RTRAF: variants seen among roughly 807,000 people sequenced by gnomAD.
RTRAF encodes tRNA-splicing ligase complex subunit RTRAF.
Under a neutral mutation model 34.4 loss-of-function variants are expected in RTRAF, and 14 were observed. The observed-to-expected ratio is 0.41, with a 90% CI of 0.27 to 0.64. The LOEUF is 0.64. Among genes scored for constraint, RTRAF ranks in the 30% least tolerant of loss-of-function variants. The pLI is 0.34. For synonymous variants in RTRAF, 96 were observed against 95.3 expected (o/e 1.01, Z -0.04); for missense variants, 291 against 288.4 (o/e 1.01, Z -0.06).
chr14:52,004,543 T>TACTTAGTAC lies in RTRAF; in HGVS notation c.*29_*37dup. On this transcript the variant is annotated 3_prime_UTR_variant, in exon 8 of 8. Transcript: ENST00000261700. ...CACTTGAGGACTTCAGCTTCTCACCTACTTAGTACAGTTGGGAACCATACA... is the reference window on the plus strand; with the variant it reads ...CACTTGAGGACTTCAGCTTCTCACCTACTTAGTACACTTAGTACAGTTGGGAACCATACA... 1.3e-6 allele frequency: 2 copies of TACTTAGTAC among 1,593,656 alleles called. No homozygotes were observed. The highest frequency in any genetic ancestry group is 1.7e-6 in the Non-Finnish European group (2 of 1,169,848).
rs537951794 is a variant in RTRAF, at chr14:51,991,180, A to C, written c.62-137A>C. ...TTCAACTCCAGAATCTGTACTTTCA[A>C]CTCCCTCTTTTGGTTCAATTAATTT... is the stretch of plus-strand genomic sequence containing the variant. On this transcript the variant is annotated intron_variant, in intron 1 of 7. Transcript: ENST00000261700. The C allele has an allele frequency of 1.1e-3, 951 of 845,690 alleles. 12 individuals are homozygous for C. Among genetic ancestry groups the C allele is most frequent in the South Asian group, 7.9e-3 (452 of 57,158 alleles). The allele number at this position is 845,690 out of a possible 1,614,324, so 52.4% of individuals were successfully genotyped here.
chr14:52,007,833 T>C lies in RTRAF; in HGVS notation c.*3317T>C. On this transcript the variant is annotated 3_prime_UTR_variant, in exon 8 of 8. Coordinates refer to ENST00000261700, the MANE Select transcript of RTRAF (RefSeq NM_016039.3). ...ACCTGCATCTGCCCAGCAGAGCAGT[T>C]TAGAGAAAGGGTCAAAGGTTAAGCC... 1.9e-6 allele frequency: 3 copies of C among 1,614,006 alleles called. No homozygotes were observed. The highest frequency in any genetic ancestry group is 2.5e-6 in the Non-Finnish European group (3 of 1,179,964).
rs1890918225 is a variant in RTRAF, at chr14:52,009,306, A to G, written c.*4790A>G. The G allele has an allele frequency of 6.6e-6, 1 of 152,238 alleles. No homozygotes were observed. Among genetic ancestry groups the G allele is most frequent in the East Asian group, 1.9e-4 (1 of 5,202 alleles). 9.4% of individuals were successfully genotyped at this position (152,238 alleles called of 1,614,324 possible). ...CCCAAAATGATTTAATATCATCAAC[A>G]ACAATAAGTCTGAAACAAGCTCACA... is the stretch of plus-strand genomic sequence containing the variant. On this transcript the variant is annotated 3_prime_UTR_variant, in exon 8 of 8. Coordinates refer to ENST00000261700, the MANE Select transcript of RTRAF (RefSeq NM_016039.3).
rs1245223245 is a variant in RTRAF at position 52,001,787 on chromosome 14, G to T, written c.463-11G>T. 3 of 1,608,904 alleles carry T rather than the reference G, an allele frequency of 1.9e-6. No individual in the cohort carries two copies. Among genetic ancestry groups the T allele is most frequent in the Non-Finnish European group, 2.5e-6 (3 of 1,177,574 alleles). ...GCCTATAAAAAGTAAAAATATTTTT[G>T]GGTTTCTTAGGCAATTCGGATTTTG... On this transcript the variant is annotated splice_polypyrimidine_tract_variant and intron_variant, in intron 5 of 7. Transcript: ENST00000261700.
In RTRAF at chr14:52,007,880, A is replaced by G. The variant is rs775478469; in HGVS notation, c.*3364A>G. The G allele has an allele frequency of 1.3e-5, 21 of 1,613,892 alleles. No individual in the cohort carries two copies. In the South Asian group the frequency reaches 2.2e-4, roughly 17 times the overall value. On this transcript the variant is annotated 3_prime_UTR_variant, in exon 8 of 8. Coordinates refer to ENST00000261700, the MANE Select transcript of RTRAF (RefSeq NM_016039.3). ...AGCCATTGGGCAATCCAATGTCTGT[A>G]TTGATCAGAATTCTTCTGTTTTCTC... is the stretch of plus-strand genomic sequence containing the variant.
At chr14:51,996,833 C>T (rs910900326) in intron 3 of RTRAF, among the ~76,000 whole-genome samples, 3 of 152,038 alleles carry the variant, frequency 2.0e-5, no homozygotes, top group Non-Finnish European at 2.9e-5. Flanking sequence ...CCAGAGCAAT[C>T]CTGGATTATG....
chr14:52,006,035 C>A lies in RTRAF; in HGVS notation c.*1519C>A. Reference sequence around the variant, plus strand: ...TAAATCCATTGCTCATCTCTAGCTGCATGTTAGAATCACATGATGAGCTAT... The same window carrying A: ...TAAATCCATTGCTCATCTCTAGCTGAATGTTAGAATCACATGATGAGCTAT... On this transcript the variant is annotated 3_prime_UTR_variant, in exon 8 of 8. Transcript: ENST00000261700. 1.7e-6 allele frequency: 1 copy of A among 576,380 alleles called. No homozygotes were observed. Among genetic ancestry groups the A allele is most frequent in the Non-Finnish European group, 3.1e-6 (1 of 318,092 alleles). 35.7% of individuals were successfully genotyped at this position (576,380 alleles called of 1,614,324 possible). A position where few individuals can be genotyped will look rare whatever the true frequency, so the allele number is the denominator to read the frequency against.
chr14:51,989,910 A>G (rs1001710832), intron 1 of RTRAF, among the ~76,000 whole-genome samples: 2 of 152,178 alleles, frequency 1.3e-5, no homozygotes, highest in South Asian at 2.1e-4. Context: ...CTGTCTCGGC[A>G]TGTTACTTTC....
In RTRAF at chr14:52,010,079, A is replaced by G. The variant is rs1890951876; in HGVS notation, c.*5563A>G. The G allele has an allele frequency of 6.6e-6, 1 of 152,228 alleles. No homozygotes were observed. Among genetic ancestry groups the G allele is most frequent in the Non-Finnish European group, 1.5e-5 (1 of 68,044 alleles). 9.4% of individuals were successfully genotyped at this position (152,228 alleles called of 1,614,324 possible). On this transcript the variant is annotated 3_prime_UTR_variant, in exon 8 of 8. Coordinates refer to ENST00000261700, the MANE Select transcript of RTRAF (RefSeq NM_016039.3). ...CAAAGAGTTTTTAAGAGGGCTATTA[A>G]TTCCTGTTAAGTCAACTGGAATAGA...
At chr14:51,999,598 G>C in intron 4 of RTRAF, 110 bp from the exon 5 acceptor site, 1 of 644,980 alleles carries the variant, frequency 1.6e-6, no homozygotes, top group Non-Finnish European at 2.6e-6. Flanking sequence ...TAAAAACTAA[G>C]AGATTTGTTG....
intron 2 of RTRAF, 126 bp from the exon 3 acceptor site, chr14:51,993,597 G>A (rs1312417883): frequency 1.6e-6 from 1 of 619,750 alleles, no homozygotes; most frequent in Non-Finnish European, 2.8e-6. Flanking sequence ...TGCATCAAAA[G>A]TGTAGTAATG....
At chr14:51,999,435 C>T in intron 4 of RTRAF, 1 of 291,102 alleles carries the variant, frequency 3.4e-6, no homozygotes. Context: ...TTACATCCCA[C>T]TGAACTCATT....
intron 3 of RTRAF, among the ~76,000 whole-genome samples, chr14:51,996,501 T>G (rs1890523600): frequency 6.6e-6 from 1 of 152,154 alleles, no homozygotes; most frequent in African/African-American, 2.4e-5. Flanking sequence ...ATTTTTTAAA[T>G]GTATAATTTC....
rs1270135112 is a variant in RTRAF, at chr14:52,001,663, TTAATG to T, written c.463-134_463-130del. The stretch of plus-strand genomic sequence containing the variant: ...TTAGTGGGTTTTTTTTATTTTTAAT[TTAATG>T]GGGAGTTTATTAATGAACTTAGGTA... On this transcript the variant is annotated intron_variant, in intron 5 of 7. Transcript: ENST00000261700. The T allele has an allele frequency of 5.9e-5, 38 of 648,630 alleles. No homozygotes were observed. The Admixed American group carries it at 1.2e-3, about 20-fold the overall frequency. 40.2% of individuals were successfully genotyped at this position (648,630 alleles called of 1,614,324 possible). A position where few individuals can be genotyped will look rare whatever the true frequency, so the allele number is the denominator to read the frequency against.
chr14:52,004,568 A>G lies in RTRAF; in HGVS notation c.*52A>G, dbSNP rs758757898. On this transcript the variant is annotated 3_prime_UTR_variant, in exon 8 of 8. Coordinates refer to ENST00000261700, the MANE Select transcript of RTRAF (RefSeq NM_016039.3). ...TACTTAGTACAGTTGGGAACCATAC[A>G]CTTCTGGCATGTTTGGAAATCAAAA... The G allele has an allele frequency of 3.3e-6, 5 of 1,494,548 alleles. No individual in the cohort carries two copies. The highest frequency in any genetic ancestry group is 4.5e-6 in the Non-Finnish European group (5 of 1,113,320). The allele number at this position is 1,494,548 out of a possible 1,614,324, so 92.6% of individuals were successfully genotyped here.
chr14:52,004,642 G>C lies in RTRAF; in HGVS notation c.*126G>C. ...CCCAGAAAATTGGGTATGTTCTAGA[G>C]ATTTACCACCATTGCTTATTGCTTT... On this transcript the variant is annotated 3_prime_UTR_variant, in exon 8 of 8. Coordinates refer to ENST00000261700, the MANE Select transcript of RTRAF (RefSeq NM_016039.3). The C allele has an allele frequency of 1.2e-6, 1 of 847,140 alleles. No individual in the cohort carries two copies. The highest frequency in any genetic ancestry group is 1.8e-6 in the Non-Finnish European group (1 of 559,312). 52.5% of individuals were successfully genotyped at this position (847,140 alleles called of 1,614,324 possible).
In RTRAF at chr14:52,006,082, G is replaced by T; in HGVS notation, c.*1566G>T. 1 of 516,054 alleles carries T rather than the reference G, an allele frequency of 1.9e-6. No individual in the cohort carries two copies. Among genetic ancestry groups the T allele is most frequent in the Non-Finnish European group, 3.5e-6 (1 of 283,852 alleles). 32.0% of individuals were successfully genotyped at this position (516,054 alleles called of 1,614,324 possible). A position where few individuals can be genotyped will look rare whatever the true frequency, so the allele number is the denominator to read the frequency against. On this transcript the variant is annotated 3_prime_UTR_variant, in exon 8 of 8. Coordinates refer to ENST00000261700, the MANE Select transcript of RTRAF (RefSeq NM_016039.3). ...CTATCAAATCAGAGTTGTAGGGCAT[G>T]GTGTAAAGGGCTTAGACTTTAATGT...
At chr14:52,004,138 G>T in intron 6 of RTRAF, 56 bp from the exon 7 acceptor site, 20 of 1,461,904 alleles carry the variant, frequency 1.4e-5, no homozygotes, top group Non-Finnish European at 1.8e-5. Flanking sequence ...TTCAGTTGAG[G>T]AAAGGATGCT....
At chr14:51,992,968 T>G (rs954819229) in intron 2 of RTRAF, among the ~76,000 whole-genome samples, 5 of 152,096 alleles carry the variant, frequency 3.3e-5, no homozygotes, top group African/African-American at 1.2e-4. Flanking sequence ...AGGCGGAGGT[T>G]GCAGTGAGCC....
Sources: gnomAD v4.1 joint callset for allele counts (sites outside exome capture counted in the v4.1 genomes callset) on GRCh38, gnomAD v4.1.1 for gene constraint, MANE v1.5 for transcripts, NCBI Gene and HGNC (gene_info 2026-07-23, HGNC 2026-07-21) for gene names.